The following ANKRD44 variants were observed in gnomAD, a reference collection of about 807,000 sequenced individuals.
The protein encoded by ANKRD44 is serine/threonine-protein phosphatase 6 regulatory ankyrin repeat subunit B.
A neutral mutation model predicts 116.0 loss-of-function variants in ANKRD44; 35 were observed. The observed-to-expected ratio is 0.30, with a 90% CI of 0.23 to 0.40. The LOEUF (loss-of-function observed/expected upper bound fraction) is 0.40. Among genes scored for constraint, ANKRD44 ranks in the 10% least tolerant of loss-of-function variants. The probability of loss-of-function intolerance (pLI) is 1.00; values close to 1 mark genes in which losing one functional copy is unlikely to be tolerated. For missense variants in ANKRD44, 1,014 were observed against 1,242.6 expected (o/e 0.82, Z 2.77); for synonymous variants, 435 against 461.8 (o/e 0.94, Z 0.74).
intron 14 of ANKRD44, 112 bp downstream of exon 14, chr2:197,083,257 T>C (rs985602028): frequency 1.1e-5 from 15 of 1,363,164 alleles, no homozygotes; most frequent in Non-Finnish European, 9.8e-7. Flanking sequence ...TCTAACTCTT[T>C]TGGGTTAGTC....
chr2:197,180,163 C>G (rs1383760375), intron 2 of ANKRD44, among the ~76,000 whole-genome samples: 9 of 152,070 alleles, frequency 5.9e-5, no homozygotes, highest in African/African-American at 2.2e-4. Context: ...GCTTCGCAAC[C>G]ATGGCATTTA....
rs1667904931 is a variant in ANKRD44 at position 197,136,639 on chromosome 2, T to C, written c.214A>G (p.Asn72Asp). The change falls in exon 4 of 28, where the codon AAC becomes GAC. Residue 72 changes from asparagine (N) to aspartate (D), a missense_variant. Asn to Asp is a conservative substitution (Grantham distance 23). Transcript: ENST00000282272. ...LSGARVNAKD[N>D]MWLTPLHRAV... is the part of the protein sequence containing the mutation. ...CGGTGCAGTGGAGTCAGCCACATGT[T>C]GTCCTTGGCATTTACACGAGCTCCT... 6.2e-7 allele frequency: 1 copy of C among 1,614,206 alleles called. No individual in the cohort carries two copies. Among genetic ancestry groups the C allele is most frequent in the Non-Finnish European group, 8.5e-7 (1 of 1,180,018 alleles).
intron 16 of ANKRD44, among the ~76,000 whole-genome samples, chr2:197,047,870 A>G (rs911422844): frequency 3.3e-5 from 5 of 151,898 alleles, no homozygotes; most frequent in African/African-American, 1.2e-4. Context: ...AGATTGTGCC[A>G]TTGCACTCTA....
chr2:197,066,209 T>C (rs1460259546), intron 16 of ANKRD44, among the ~76,000 whole-genome samples: 1 of 152,226 alleles, frequency 6.6e-6, no homozygotes, highest in Non-Finnish European at 1.5e-5. Flanking sequence ...TCTCAATAGA[T>C]GCAGAAATGG....
chr2:197,275,428 CAAAAA>C (rs527811437), intron 1 of ANKRD44, among the ~76,000 whole-genome samples: 4 of 97,264 alleles, frequency 4.1e-5, no homozygotes, highest in Non-Finnish European at 4.2e-5. Context: ...CCAGTCTCTT[CAAAAA>C]AAAAAAAAAA....
In ANKRD44 at chr2:197,110,836, A is replaced by G; in HGVS notation, c.915T>C (p.Asp305=). The part of the protein sequence containing the change: ...NGADVNIQSK[D]GKSPLHMTAV... ...CTGTCATGTGCAGTGGACTTTTGCC[A>G]TCTTTACTCTAAAAAAAAGAGAGGG... The change falls in exon 9 of 28, where the codon GAT becomes GAC. Residue 305 remains aspartate, a synonymous_variant. Transcript: ENST00000282272. 1 of 1,613,950 alleles carries G rather than the reference A, an allele frequency of 6.2e-7. No homozygotes were observed. Among genetic ancestry groups the G allele is most frequent in the South Asian group, 1.1e-5 (1 of 91,080 alleles).
intron 1 of ANKRD44, among the ~76,000 whole-genome samples, chr2:197,208,572 G>T (rs1404874476): frequency 6.6e-6 from 1 of 152,102 alleles, no homozygotes; most frequent in East Asian, 1.9e-4. Flanking sequence ...AGGCCGAGGA[G>T]GGCAGATCAC....
rs191459729 is a variant in ANKRD44 at position 197,038,900 on chromosome 2, T to G, written c.1651-13633A>C. On this transcript the variant is annotated intron_variant, in intron 16 of 27. Coordinates refer to ENST00000282272, the MANE Select transcript of ANKRD44 (RefSeq NM_001195144.2). Reference sequence around the variant, plus strand: ...TGCAGAAGCGAAAAGGGTTTTAACTTACTTGAAAGTAATGCAAAGAATTGC... The same window carrying G: ...TGCAGAAGCGAAAAGGGTTTTAACTGACTTGAAAGTAATGCAAAGAATTGC... Among the ~76,000 whole-genome samples, 56 of 152,308 alleles carry G rather than the reference T, an allele frequency of 3.7e-4. 2 individuals carry two copies. The highest frequency in any genetic ancestry group is 3.1e-3 in the East Asian group (16 of 5,186).
intron 1 of ANKRD44, among the ~76,000 whole-genome samples, chr2:197,291,199 A>G (rs1329726495): frequency 1.3e-5 from 2 of 151,436 alleles, no homozygotes; most frequent in African/African-American, 2.4e-5. Context: ...ACAGAGTGAG[A>G]CCCTGTCCCT....
At chr2:197,238,361 G>A (rs1201199267) in intron 1 of ANKRD44, among the ~76,000 whole-genome samples, 2 of 152,194 alleles carry the variant, frequency 1.3e-5, no homozygotes, top group Non-Finnish European at 2.9e-5. Context: ...TAAAGGCACA[G>A]TGAGGAAGAT....
At position 197,201,588 on chromosome 2, in the gene ANKRD44, C is replaced by A. The variant is rs2081092832; in HGVS notation, c.28-14482G>T. The stretch of plus-strand genomic sequence containing the variant: ...AATGATGTGGAGACCCTGTTAGTGT[C>A]GTCGCATGTTAAATCTAGATTTGGG... On this transcript the variant is annotated intron_variant, in intron 1 of 27. Transcript: ENST00000282272. The surrounding 1 kb of genome is among the most constrained non-coding windows in gnomAD (Gnocchi z 4.0). Among the ~76,000 whole-genome samples the A allele has an allele frequency of 6.6e-6, 1 of 152,144 alleles. No individual in the cohort carries two copies. Among genetic ancestry groups the A allele is most frequent in the Non-Finnish European group, 1.5e-5 (1 of 68,020 alleles).
At chr2:197,020,425 T>C (rs1398293738) in intron 17 of ANKRD44, among the ~76,000 whole-genome samples, 1 of 152,206 alleles carries the variant, frequency 6.6e-6, no homozygotes, top group East Asian at 1.9e-4. Flanking sequence ...TCCAATCTTT[T>C]GGCTTCCCTG....
At chr2:197,023,765 C>T (rs1283980813) in intron 17 of ANKRD44, among the ~76,000 whole-genome samples, 1 of 152,192 alleles carries the variant, frequency 6.6e-6, no homozygotes, top group Non-Finnish European at 1.5e-5. Flanking sequence ...TTTGGGGTAA[C>T]TTCCCCAGGC....
chr2:197,072,065 AGG>A, intron 16 of ANKRD44, among the ~76,000 whole-genome samples: 1 of 138,852 alleles, frequency 7.2e-6, no homozygotes, highest in Non-Finnish European at 1.5e-5. Flanking sequence ...GAAGGAAGGA[AGG>A]AAGGAAGGAA....
intron 21 of ANKRD44, among the ~76,000 whole-genome samples, chr2:196,978,304 T>C (rs951544771): frequency 6.6e-6 from 1 of 152,162 alleles, no homozygotes; most frequent in African/African-American, 2.4e-5. Context: ...TCCACCATGA[T>C]TGGAAGCTTC....
At chr2:197,194,623 A>G (rs1458882054) in intron 1 of ANKRD44, among the ~76,000 whole-genome samples, 1 of 152,174 alleles carries the variant, frequency 6.6e-6, no homozygotes, top group Admixed American at 6.5e-5. Flanking sequence ...GTTTCAACAT[A>G]CCTCCTATGG....
chr2:197,147,575 C>T (rs1426915849), intron 2 of ANKRD44, among the ~76,000 whole-genome samples: 1 of 152,012 alleles, frequency 6.6e-6, no homozygotes, highest in Non-Finnish European at 1.5e-5. Flanking sequence ...CCTTTCTATG[C>T]TTGTTAATTG....
At chr2:197,186,003 G>T (rs1472960317) in intron 2 of ANKRD44, among the ~76,000 whole-genome samples, 1 of 152,176 alleles carries the variant, frequency 6.6e-6, no homozygotes, top group Non-Finnish European at 1.5e-5. Flanking sequence ...ATAAATGAAT[G>T]AGTATGGCCG....
chr2:197,257,372 GTT>G lies in ANKRD44; in HGVS notation c.27+53204_27+53205del, dbSNP rs35378746. Among the ~76,000 whole-genome samples, 74 of 146,896 alleles carry G rather than the reference GTT, an allele frequency of 5.0e-4. 1 individual carries two copies. Among genetic ancestry groups the G allele is most frequent in the African/African-American group, 9.7e-4 (39 of 40,194 alleles). ...ATTAAAAGCACACAGAAACACAGAA[GTT>G]TTTTTTTTTTTTACTTGATTAAAAG... On this transcript the variant is annotated intron_variant, in intron 1 of 27. Transcript: ENST00000282272.
Sources: allele counts gnomAD v4.1 joint callset (sites outside exome capture counted in the v4.1 genomes callset), GRCh38; gene constraint gnomAD v4.1.1; non-coding constraint Gnocchi (gnomAD v3.1); transcripts MANE v1.5; gene names NCBI Gene and HGNC (gene_info 2026-07-23, HGNC 2026-07-21).